The following TNRC18 variants were observed in gnomAD, a reference collection of about 807,000 sequenced individuals.
TNRC18 encodes trinucleotide repeat containing 18, also known as trinucleotide repeat-containing gene 18 protein.
TNRC18 carries 69 observed loss-of-function variants against 226.7 expected under a neutral mutation model. The observed-to-expected ratio is 0.30, with a 90% CI of 0.25 to 0.37. The LOEUF is 0.37. TNRC18 is among the 10% of genes least tolerant of loss of function. The pLI, the probability that TNRC18 is intolerant of heterozygous loss-of-function variation, is 1.00. For synonymous variants in TNRC18, 2,449 were observed against 1,927.6 expected (o/e 1.27, Z -7.09); for missense variants, 4,754 against 4,256.6 (o/e 1.12, Z -3.25).
Position 5,370,803 on chromosome 7 carries a change from ACCTCCACCGGCT to A in TNRC18, c.3779_3790del (p.Glu1260_Glu1263del). On this transcript the variant is annotated inframe_deletion, in exon 11 of 30. Transcript: ENST00000430969. The stretch of plus-strand genomic sequence containing the variant: ...CTCCACCACGGGCACCGCCACAGGC[ACCTCCACCGGCT>A]CCTCCTTGGCCTCCACCAGTGTCTC... 6.2e-7 allele frequency: 1 copy of A among 1,606,978 alleles called. No homozygotes were observed. Among genetic ancestry groups the A allele is most frequent in the Non-Finnish European group, 8.5e-7 (1 of 1,178,196 alleles).
Position 5,377,866 on chromosome 7 carries a change from A to AC in TNRC18, c.2255+55dup. ...ACCTGGGGTCATCCAGCTGCCCCTC[A>AC]CCCCCAGGGGCTCCTAGATACCCCC... On this transcript the variant is annotated intron_variant, in intron 6 of 29. Transcript: ENST00000430969. The surrounding 1 kb of genome is among the most constrained non-coding windows in gnomAD (Gnocchi z 5.8). 1.9e-6 allele frequency: 3 copies of AC among 1,544,430 alleles called. No homozygotes were observed. The highest frequency in any genetic ancestry group is 2.7e-6 in the Non-Finnish European group (3 of 1,121,170).
chr7:5,371,412 C>T (rs377709824), intron 10 of TNRC18, 48 bp from the exon 11 acceptor site: 160 of 1,466,842 alleles, frequency 1.1e-4, no homozygotes, highest in Middle Eastern at 2.2e-4. Flanking sequence ...ATCTGATATC[C>T]CATGTCCCCA....
Position 5,388,500 on chromosome 7 carries a change from C to CG in TNRC18, c.1323dup (p.Ala442ArgfsTer66). On this transcript the variant is annotated frameshift_variant, in exon 5 of 30. Transcript: ENST00000430969. LOFTEE classifies it high-confidence loss of function. ...GTGGCCCGCACCGTGGGGGCATCCG[C>CG]GGGGGGCGGCCGCTTGAGCGAGCGG... 6.0e-6 allele frequency: 8 copies of CG among 1,336,910 alleles called. No individual in the cohort carries two copies. Among genetic ancestry groups the CG allele is most frequent in the South Asian group, 1.7e-5 (1 of 58,124 alleles). The allele number at this position is 1,336,910 out of a possible 1,614,324, so 82.8% of individuals were successfully genotyped here.
At position 5,370,821 on chromosome 7, in the gene TNRC18, T is replaced by C. The variant is rs1794074709; in HGVS notation, c.3773A>G (p.Lys1258Arg). ...QLTPETLVEA[K>R]EEPVEVPVAV... is the part of the protein sequence containing the mutation. The stretch of plus-strand genomic sequence containing the variant: ...CACAGGCACCTCCACCGGCTCCTCC[T>C]TGGCCTCCACCAGTGTCTCGGGTGT... Residue 1258 changes from lysine (K) to arginine (R), a missense_variant, in exon 11 of 30, where the codon AAG becomes AGG. Transcript: ENST00000430969. 1 of 1,609,174 alleles carries C rather than the reference T, an allele frequency of 6.2e-7. No individual in the cohort carries two copies. The highest frequency in any genetic ancestry group is 8.5e-7 in the Non-Finnish European group (1 of 1,179,266).
At chr7:5,319,343 T>C (rs1250303042) in intron 24 of TNRC18, among the ~76,000 whole-genome samples, 1 of 152,180 alleles carries the variant, frequency 6.6e-6, no homozygotes, top group East Asian at 1.9e-4. Context: ...AGTGGGCTTT[T>C]TTTTTGCACG....
In TNRC18 at chr7:5,423,431, G is replaced by C. The variant is rs1236384211; in HGVS notation, c.-244+10C>G. On this transcript the variant is annotated intron_variant, in intron 1 of 29. Transcript: ENST00000430969. ...CCGGCCGGGGGCCGGCAGGCTGACCGGCGGCGTACCTGGCGCGGCTGGGTT... is the reference window on the plus strand; with the variant it reads ...CCGGCCGGGGGCCGGCAGGCTGACCCGCGGCGTACCTGGCGCGGCTGGGTT... The C allele has an allele frequency of 6.6e-6, 1 of 152,128 alleles. No homozygotes were observed. The highest frequency in any genetic ancestry group is 6.5e-5 in the Admixed American group (1 of 15,274). The allele number at this position is 152,128 out of a possible 1,614,324, so 9.4% of individuals were successfully genotyped here.
intron 2 of TNRC18, among the ~76,000 whole-genome samples, chr7:5,417,455 G>A (rs1782262867): frequency 6.6e-6 from 1 of 152,200 alleles, no homozygotes; most frequent in African/African-American, 2.4e-5. Context: ...GGGTGACAGA[G>A]TAAAACCCTA....
chr7:5,312,273 A>AG lies in TNRC18; in HGVS notation c.8388+229dup, dbSNP rs1479027722. ...GGGTGGCTCTGCGTCCCGGGACCAG[A>AG]GGGCAGGACCACTCTGCTCTGAAGG... On this transcript the variant is annotated intron_variant, in intron 27 of 29. Coordinates refer to ENST00000430969, the MANE Select transcript of TNRC18 (RefSeq NM_001080495.3). The surrounding 1 kb of genome is among the most constrained non-coding windows in gnomAD (Gnocchi z 6.3). Among the ~76,000 whole-genome samples, 1 of 152,188 alleles carries AG rather than the reference A, an allele frequency of 6.6e-6. No individual in the cohort carries two copies. Among genetic ancestry groups the AG allele is most frequent in the African/African-American group, 2.4e-5 (1 of 41,444 alleles).
At chr7:5,405,932 G>A (rs780315954) in intron 2 of TNRC18, among the ~76,000 whole-genome samples, 3 of 152,162 alleles carry the variant, frequency 2.0e-5, no homozygotes, top group Non-Finnish European at 2.9e-5. Context: ...GTATGCAGAC[G>A]TTGAAATCCA....
At position 5,379,323 on chromosome 7, in the gene TNRC18, G is replaced by A. The variant is rs113521413; in HGVS notation, c.2153-1299C>T. Reference sequence around the variant, plus strand: ...GAGGATCTCTTGCGCCGGGGAGGTCGAGGCTGCAGTGACTCCCTATTATGA... The same window carrying A: ...GAGGATCTCTTGCGCCGGGGAGGTCAAGGCTGCAGTGACTCCCTATTATGA... On this transcript the variant is annotated intron_variant, in intron 5 of 29. Coordinates refer to ENST00000430969, the MANE Select transcript of TNRC18 (RefSeq NM_001080495.3). Among the ~76,000 whole-genome samples the A allele has an allele frequency of 4.4e-3, 675 of 152,034 alleles. 4 individuals are homozygous for A. The highest frequency in any genetic ancestry group is 7.2e-3 in the Non-Finnish European group (489 of 67,956).
rs1175291011 is a variant in TNRC18, at chr7:5,332,609, G to A, written c.6147+13C>T. 1 of 1,516,562 alleles carries A rather than the reference G, an allele frequency of 6.6e-7. No individual in the cohort carries two copies. The allele number at this position is 1,516,562 out of a possible 1,614,324, so 93.9% of individuals were successfully genotyped here. On this transcript the variant is annotated intron_variant, in intron 19 of 29. Coordinates refer to ENST00000430969, the MANE Select transcript of TNRC18 (RefSeq NM_001080495.3). ...GACCCTTCTGCGGCACCCCCTCCCA[G>A]CGCGGCCCCTACCTTCCTGGGGTCC...
chr7:5,376,541 C>T (rs1794696722), intron 8 of TNRC18, among the ~76,000 whole-genome samples: 1 of 152,212 alleles, frequency 6.6e-6, no homozygotes. Flanking sequence ...CTTCTCCCAC[C>T]CCTCCCAGTG....
rs1267606025 is a variant in TNRC18, at chr7:5,361,730, A to G, written c.4533-8T>C. ...GGTTCCTCGCGCCTGTCCCTTAAAA[A>G]GAATCACACGCTTGGCTGTGACGCT... On this transcript the variant is annotated splice_region_variant and splice_polypyrimidine_tract_variant and intron_variant, in intron 13 of 29. Transcript: ENST00000430969. 1.3e-6 allele frequency: 2 copies of G among 1,563,112 alleles called. No individual in the cohort carries two copies. The highest frequency in any genetic ancestry group is 2.7e-5 in the African/African-American group (2 of 73,246).
intron 8 of TNRC18, among the ~76,000 whole-genome samples, chr7:5,376,489 C>T (rs549175752): frequency 6.6e-5 from 10 of 152,190 alleles, no homozygotes; most frequent in South Asian, 4.1e-4. Context: ...CAGGTCAGCA[C>T]GCAGACACGT....
intron 2 of TNRC18, among the ~76,000 whole-genome samples, chr7:5,397,049 G>A (rs781292116): frequency 6.6e-6 from 1 of 152,114 alleles, no homozygotes; most frequent in African/African-American, 2.4e-5. Context: ...GGGTGCCCTC[G>A]GGCCACACGC....
chr7:5,318,472 C>A (rs1291667530), intron 24 of TNRC18, among the ~76,000 whole-genome samples: 2 of 151,994 alleles, frequency 1.3e-5, no homozygotes, highest in Admixed American at 6.6e-5. Flanking sequence ...ATGGAACTAG[C>A]CCAAGTTCCA....
At chr7:5,367,174 G>A (rs1052357760) in intron 11 of TNRC18, among the ~76,000 whole-genome samples, 2 of 152,062 alleles carry the variant, frequency 1.3e-5, no homozygotes, top group African/African-American at 4.8e-5. Context: ...AGACCAGCAT[G>A]GCCAACATGG....
intron 3 of TNRC18, among the ~76,000 whole-genome samples, chr7:5,391,632 A>T (rs1280514496): frequency 4.6e-5 from 7 of 151,734 alleles, no homozygotes; most frequent in African/African-American, 1.7e-4. Context: ...AAAAATAAAA[A>T]TAAACAGAAT....
intron 24 of TNRC18, among the ~76,000 whole-genome samples, chr7:5,317,426 C>T (rs1211712185): frequency 6.6e-6 from 1 of 152,058 alleles, no homozygotes; most frequent in African/African-American, 2.4e-5. Flanking sequence ...CCTATCTCTA[C>T]TAAAAATACA....
Sources: allele counts gnomAD v4.1 joint callset (sites outside exome capture counted in the v4.1 genomes callset), GRCh38; gene constraint gnomAD v4.1.1; non-coding constraint Gnocchi (gnomAD v3.1); transcripts MANE v1.5; gene names NCBI Gene and HGNC (gene_info 2026-07-23, HGNC 2026-07-21).